ZNF66: variants seen among roughly 807,000 people sequenced by gnomAD.
The protein encoded by ZNF66 is putative zinc finger protein 66.
In ZNF66, 32 loss-of-function variants were observed where a neutral mutation model predicts 35.2. The observed-to-expected ratio is 0.91, with a 90% CI of 0.69 to 1.22. The LOEUF (loss-of-function observed/expected upper bound fraction) is 1.22, where lower values mean the gene tolerates loss of function less well. Ranked by LOEUF, ZNF66 falls within the 50% of genes most tolerant of loss-of-function variation. The pLI is 0.00. For missense variants in ZNF66, 666 were observed against 543.1 expected, an observed-to-expected ratio of 1.23 and a Z score of -2.25; for synonymous variants, 231 against 181.3, an observed-to-expected ratio of 1.27 and a Z score of -2.20.
At position 20,807,191 on chromosome 19, in the gene ZNF66, C is replaced by T; in HGVS notation, c.1591C>T (p.His531Tyr). The change falls in exon 4 of 4, where the codon CAT (histidine) becomes TAT (tyrosine). Residue 531 changes from histidine to tyrosine, a missense_variant. Coordinates refer to ENST00000344519, the MANE Select transcript of ZNF66 (RefSeq NM_001355197.2). Reference protein sequence around the residue: ...SSTLTRHKKIHTGGKPHKCNK... With the variant: ...SSTLTRHKKIYTGGKPHKCNK... Reference sequence around the variant, plus strand: ...TACCCTTACTAGACATAAGAAAATTCATACTGGAGGGAAACCACACAAGTG... The same window carrying T: ...TACCCTTACTAGACATAAGAAAATTTATACTGGAGGGAAACCACACAAGTG... 1.4e-6 allele frequency: 1 copy of T among 736,736 alleles called. No homozygotes were observed. Among genetic ancestry groups the T allele is most frequent in the Non-Finnish European group, 2.4e-6 (1 of 416,080 alleles). 45.6% of individuals were successfully genotyped at this position (736,736 alleles called of 1,614,324 possible). A position where few individuals can be genotyped will look rare whatever the true frequency, so the allele number is the denominator to read the frequency against.
chr19:20,807,530 AC>A lies in ZNF66; in HGVS notation c.*211del, dbSNP rs1314595061. Among the ~76,000 whole-genome samples the A allele has an allele frequency of 4.6e-5, 7 of 152,094 alleles. No homozygotes were observed. The highest frequency in any genetic ancestry group is 1.7e-4 in the African/African-American group (7 of 41,424). On this transcript the variant is annotated 3_prime_UTR_variant, in exon 4 of 4. Coordinates refer to ENST00000344519, the MANE Select transcript of ZNF66 (RefSeq NM_001355197.2). ...TACACATAATTCATACTGGATAGAA[AC>A]CCTACACCTGTGAAGAATGTGGCAT...
intron 1 of ZNF66, among the ~76,000 whole-genome samples, chr19:20,778,360 A>G (rs1455524963): frequency 6.6e-6 from 1 of 152,224 alleles, no homozygotes; most frequent in Non-Finnish European, 1.5e-5. Context: ...TTGGCCTTCC[A>G]AAGTGTTGGG....
intron 1 of ZNF66, among the ~76,000 whole-genome samples, chr19:20,776,991 T>C (rs1219822943): frequency 6.6e-6 from 1 of 151,784 alleles, no homozygotes; most frequent in Non-Finnish European, 1.5e-5. Context: ...GGCGAATGTC[T>C]GTAGTCCCAG....
intron 1 of ZNF66, among the ~76,000 whole-genome samples, chr19:20,791,180 AG>A (rs2144900834): frequency 6.6e-6 from 1 of 152,298 alleles, no homozygotes; most frequent in African/African-American, 2.4e-5. Context: ...TATGCTGAAC[AG>A]GATTAAGGAA....
chr19:20,785,299 A>G (rs1205403957), intron 1 of ZNF66: 1 of 152,394 alleles, frequency 6.6e-6, no homozygotes, highest in African/African-American at 2.4e-5. Context: ...GGAGTGCTGT[A>G]GCCCAGTGCC....
rs868488182 is a variant in ZNF66, at chr19:20,792,955, G to C, written c.130+317G>C. 2.6e-5 allele frequency among the ~76,000 whole-genome samples: 4 copies of C among 151,900 alleles called. No individual in the cohort carries two copies. In the South Asian group the frequency reaches 8.3e-4, roughly 32 times the overall value. On this transcript the variant is annotated intron_variant, in intron 2 of 3. Coordinates refer to ENST00000344519, the MANE Select transcript of ZNF66 (RefSeq NM_001355197.2). Reference sequence around the variant, plus strand: ...CTGTGGCATGCACCTATAATCCCAGGACTCAGGAGGGTGAGGCAGGAGAAT... The same window carrying C: ...CTGTGGCATGCACCTATAATCCCAGCACTCAGGAGGGTGAGGCAGGAGAAT...
At chr19:20,792,271 T>C (rs1230541204) in intron 1 of ZNF66, among the ~76,000 whole-genome samples, 4 of 152,172 alleles carry the variant, frequency 2.6e-5, no homozygotes, top group Non-Finnish European at 5.9e-5. Context: ...GCCCTTAATT[T>C]TATAGTTTAT....
intron 1 of ZNF66, among the ~76,000 whole-genome samples, chr19:20,778,492 C>T (rs746217375): frequency 1.3e-5 from 2 of 152,086 alleles, no homozygotes; most frequent in Non-Finnish European, 2.9e-5. Flanking sequence ...GTATAAAATG[C>T]AAGCATCTTA....
intron 1 of ZNF66, among the ~76,000 whole-genome samples, chr19:20,781,866 G>A (rs1034277056): frequency 1.3e-5 from 2 of 150,328 alleles, no homozygotes; most frequent in African/African-American, 2.4e-5. Context: ...TGCAAAGGAC[G>A]TGATTTTTTT....
rs370551 is a variant in ZNF66, at chr19:20,806,858, A to G, written c.1258A>G (p.Thr420Ala). 114,322 of 1,347,776 alleles carry G rather than the reference A, an allele frequency of 0.085. 4,466 individuals carry two copies. Among genetic ancestry groups the G allele is most frequent in the Non-Finnish European group, 0.092 (86,109 of 939,506 alleles). The allele number at this position is 1,347,776 out of a possible 1,614,324, so 83.5% of individuals were successfully genotyped here. A position where few individuals can be genotyped will look rare whatever the true frequency, so the allele number is the denominator to read the frequency against. The change falls in exon 4 of 4, where the codon ACT (threonine) becomes GCT (alanine). Residue 420 changes from threonine to alanine, a missense_variant. By Grantham distance (58) the Thr-to-Ala change is moderately conservative. Coordinates refer to ENST00000344519, the MANE Select transcript of ZNF66 (RefSeq NM_001355197.2). The part of the protein sequence containing the change: ...SPLSKHKRIH[T>A]GEKPYKCEEC... ...CCTTTCTAAACATAAGAGAATTCAT[A>G]CTGGAGAGAAACCCTACAAATGTGA...
chr19:20,779,958 A>G (rs531080916), intron 1 of ZNF66, among the ~76,000 whole-genome samples: 1 of 151,860 alleles, frequency 6.6e-6, no homozygotes, highest in African/African-American at 2.4e-5. Flanking sequence ...CAAAACAACA[A>G]AAATTCGCCA....
At chr19:20,795,949 G>A (rs1971388076) in intron 3 of ZNF66, among the ~76,000 whole-genome samples, 1 of 152,180 alleles carries the variant, frequency 6.6e-6, no homozygotes, top group East Asian at 1.9e-4. Context: ...TAGGGGTCCT[G>A]CAGTTTCCCA....
chr19:20,807,002 C>T lies in ZNF66; in HGVS notation c.1402C>T (p.Leu468Phe). 1 of 953,052 alleles carries T rather than the reference C, an allele frequency of 1.0e-6. No individual in the cohort carries two copies. The highest frequency in any genetic ancestry group is 1.7e-6 in the Non-Finnish European group (1 of 581,528). 59.0% of individuals were successfully genotyped at this position (953,052 alleles called of 1,614,324 possible). The change falls in exon 4 of 4, where the codon CTT (leucine) becomes TTT (phenylalanine). Residue 468 changes from leucine (L) to phenylalanine (F), a missense_variant. Transcript: ENST00000344519. Reference sequence around the variant, plus strand: ...CAAAGCCTTTAACCGCTCCTCTAACCTTACTAAACACAAGAAAATTCATAC... The same window carrying T: ...CAAAGCCTTTAACCGCTCCTCTAACTTTACTAAACACAAGAAAATTCATAC... The part of the protein sequence containing the change: ...CGKAFNRSSN[L>F]TKHKKIHTGE...
At position 20,807,567 on chromosome 19, in the gene ZNF66, A is replaced by G. The variant is rs561113675; in HGVS notation, c.*245A>G. On this transcript the variant is annotated 3_prime_UTR_variant, in exon 4 of 4. Coordinates refer to ENST00000344519, the MANE Select transcript of ZNF66 (RefSeq NM_001355197.2). ...TGAAGAATGTGGCATAGCCTATAAC[A>G]ATTTTCAATCAATTCTTTTTTTTTT... Among the ~76,000 whole-genome samples the G allele has an allele frequency of 1.3e-5, 2 of 150,462 alleles. No individual in the cohort carries two copies. The highest frequency in any genetic ancestry group is 3.0e-5 in the Non-Finnish European group (2 of 67,794).
At chr19:20,792,468 GC>G (rs761335128) in intron 1 of ZNF66, 43 bp from the exon 2 acceptor site, 1 of 1,445,538 alleles carries the variant, frequency 6.9e-7, no homozygotes, top group South Asian at 1.3e-5. Flanking sequence ...TAAAAATTCC[GC>G]CCATAACCAC....
rs188801773 is a variant in ZNF66, at chr19:20,806,251, T to C, written c.651T>C (p.Thr217=). The part of the protein sequence containing the change: ...GKAFNRSSHL[T]THKIIHTGEK... ...CCTTCAACCGGTCCTCACACCTTACTACACATAAGATAATTCATACTGGAG... is the reference window on the plus strand; with the variant it reads ...CCTTCAACCGGTCCTCACACCTTACCACACATAAGATAATTCATACTGGAG... Residue 217 remains threonine (T), a synonymous_variant, in exon 4 of 4, where the codon ACT becomes ACC. Coordinates refer to ENST00000344519, the MANE Select transcript of ZNF66 (RefSeq NM_001355197.2). The C allele has an allele frequency of 3.1e-5, 45 of 1,450,518 alleles. No individual in the cohort carries two copies. The African/African-American group carries it at 5.3e-4, about 17-fold the overall frequency. 89.9% of individuals were successfully genotyped at this position (1,450,518 alleles called of 1,614,324 possible).
At chr19:20,794,152 A>G (rs10413812) in intron 3 of ZNF66, 42,719 of 525,860 alleles carry the variant, frequency 0.081, 1,871 homozygotes, top group African/African-American at 0.098. Flanking sequence ...CCTCTTCATG[A>G]CATATAAGAG....
rs1343072315 is a variant in ZNF66 at position 20,808,710 on chromosome 19, A to T, written c.*1388A>T. On this transcript the variant is annotated 3_prime_UTR_variant, in exon 4 of 4. Transcript: ENST00000344519. Reference sequence around the variant, plus strand: ...AACCCATCTGTACATCACCATCATCAAAGACCAAAAGTAGATAAAACCACA... The same window carrying T: ...AACCCATCTGTACATCACCATCATCTAAGACCAAAAGTAGATAAAACCACA... Among the ~76,000 whole-genome samples, 1 of 152,078 alleles carries T rather than the reference A, an allele frequency of 6.6e-6. No individual in the cohort carries two copies. Among genetic ancestry groups the T allele is most frequent in the Non-Finnish European group, 1.5e-5 (1 of 67,996 alleles).
At chr19:20,781,920 T>G (rs1971249257) in intron 1 of ZNF66, among the ~76,000 whole-genome samples, 1 of 152,170 alleles carries the variant, frequency 6.6e-6, no homozygotes, top group Non-Finnish European at 1.5e-5. Flanking sequence ...TACCATATTT[T>G]GTTTTGACTA....
Sources: gnomAD v4.1 joint callset for allele counts (sites outside exome capture counted in the v4.1 genomes callset) on GRCh38, gnomAD v4.1.1 for gene constraint, MANE v1.5 for transcripts, NCBI Gene and HGNC (gene_info 2026-07-23, HGNC 2026-07-21) for gene names.